Variants in SGIP1 observed in about 807,000 individuals in gnomAD.
SGIP1 encodes the protein SH3-containing GRB2-like protein 3-interacting protein 1.
Under a neutral mutation model 107.5 loss-of-function variants are expected in SGIP1, and 38 were observed. The observed-to-expected ratio is 0.35, with a 90% CI of 0.27 to 0.46. The LOEUF is 0.46. Ranked by LOEUF, SGIP1 falls within the 20% of genes least tolerant of loss-of-function variation. The probability of loss-of-function intolerance (pLI) is 1.00; values close to 1 mark genes in which losing one functional copy is unlikely to be tolerated. For synonymous variants in SGIP1, 365 were observed against 366.1 expected, an observed-to-expected ratio of 1.00 and a Z score of 0.03; for missense variants, 929 against 1,019.5, an observed-to-expected ratio of 0.91 and a Z score of 1.21.
intron 1 of SGIP1, among the ~76,000 whole-genome samples, chr1:66,595,708 A>G (rs563874217): frequency 1.3e-5 from 2 of 152,328 alleles, no homozygotes; most frequent in African/African-American, 4.8e-5. Context: ...AAGCCATAAT[A>G]TGGAATCCAT....
intron 3 of SGIP1, chr1:66,634,126 G>C: frequency 6.2e-7 from 1 of 1,610,400 alleles, no homozygotes; most frequent in South Asian, 1.1e-5. Flanking sequence ...CTCACCTCTT[G>C]CTTCTGGCTC....
intron 12 of SGIP1, among the ~76,000 whole-genome samples, chr1:66,675,691 C>T (rs1203505183): frequency 1.3e-5 from 2 of 151,294 alleles, no homozygotes; most frequent in East Asian, 1.9e-4. Context: ...CATGCCACCC[C>T]ACCTGACTAA....
chr1:66,568,096 G>T (rs1394598477), intron 1 of SGIP1, among the ~76,000 whole-genome samples: 1 of 152,134 alleles, frequency 6.6e-6, no homozygotes, highest in East Asian at 1.9e-4. Context: ...ACTTTGGGTA[G>T]TATGGCCATT....
chr1:66,695,153 C>G (rs1253791559), intron 17 of SGIP1: 2 of 562,850 alleles, frequency 3.6e-6, no homozygotes, highest in Non-Finnish European at 5.9e-6. Context: ...GCCAGGAAGA[C>G]TTCTGCTCCA....
intron 9 of SGIP1, among the ~76,000 whole-genome samples, chr1:66,670,315 T>G (rs1244219039): frequency 6.6e-6 from 1 of 152,246 alleles, no homozygotes; most frequent in Non-Finnish European, 1.5e-5. Context: ...GCTCAGATTA[T>G]TCCTACCAGG....
At chr1:66,631,536 C>T (rs1213811448) in intron 2 of SGIP1, among the ~76,000 whole-genome samples, 1 of 152,170 alleles carries the variant, frequency 6.6e-6, no homozygotes, top group African/African-American at 2.4e-5. Context: ...AAAATATGCA[C>T]TCTGTCAAGT....
chr1:66,690,059 T>G (rs564380165), intron 16 of SGIP1, 131 bp from the exon 17 acceptor site: 1 of 1,002,594 alleles, frequency 1.0e-6, no homozygotes, highest in South Asian at 1.6e-5. Context: ...TTAATTTCAG[T>G]GTAAAAATGG....
intron 7 of SGIP1, among the ~76,000 whole-genome samples, chr1:66,647,032 C>T (rs1038415741): frequency 6.6e-6 from 1 of 152,150 alleles, no homozygotes; most frequent in Non-Finnish European, 1.5e-5. Context: ...GTTGATTTGG[C>T]ATCTGTGTAA....
In SGIP1 at chr1:66,711,942, G is replaced by A. The variant is rs149827436; in HGVS notation, c.1631-7352G>A. On this transcript the variant is annotated intron_variant, in intron 18 of 24. Coordinates refer to ENST00000371037, the MANE Select transcript of SGIP1 (RefSeq NM_032291.4). ...ATTGTCCTAATTTAGCAGAGGTGAAGCTAGAATCATTGACCAGCTCAGGTC... is the reference window on the plus strand; with the variant it reads ...ATTGTCCTAATTTAGCAGAGGTGAAACTAGAATCATTGACCAGCTCAGGTC... 1.4e-3 allele frequency among the ~76,000 whole-genome samples: 215 copies of A among 152,284 alleles called. 1 individual carries two copies. Among genetic ancestry groups the A allele is most frequent in the African/African-American group, 5.0e-3 (206 of 41,574 alleles).
rs2094540347 is a variant in SGIP1 at position 66,745,511 on chromosome 1, A to G, written c.*2416A>G. Reference sequence around the variant, plus strand: ...ATAATCTCCTGTTACATCTATATCCACAGTACTGTAGAATAAGAATTCATG... The same window carrying G: ...ATAATCTCCTGTTACATCTATATCCGCAGTACTGTAGAATAAGAATTCATG... On this transcript the variant is annotated 3_prime_UTR_variant, in exon 25 of 25. Transcript: ENST00000371037. 6.6e-6 allele frequency: 1 copy of G among 152,036 alleles called. No individual in the cohort carries two copies. The highest frequency in any genetic ancestry group is 6.6e-5 in the Admixed American group (1 of 15,262). The allele number at this position is 152,036 out of a possible 1,614,324, so 9.4% of individuals were successfully genotyped here.
At chr1:66,714,228 C>T (rs977097050) in intron 18 of SGIP1, among the ~76,000 whole-genome samples, 6 of 152,096 alleles carry the variant, frequency 3.9e-5, no homozygotes, top group African/African-American at 1.4e-4. Context: ...AAACTGATTA[C>T]AGAGAGATTT....
At chr1:66,713,138 C>A (rs76994700) in intron 18 of SGIP1, among the ~76,000 whole-genome samples, 3,030 of 152,166 alleles carry the variant, frequency 0.02, 97 homozygotes, top group African/African-American at 0.069. Context: ...TGTTTACTTG[C>A]CAGGTGACAA....
At chr1:66,643,099 G>GTGGAAATGGTGGGTACTGAGCTGTCCA (rs2077070369) in intron 6 of SGIP1, among the ~76,000 whole-genome samples, 5 of 20,364 alleles carry the variant, frequency 2.5e-4, no homozygotes, top group African/African-American at 8.3e-4. Context: ...CTAAAAAAAC[G>GTGGAAATGGTGGGTACTGAGCTGTCCA]CTAATCCCTG....
At chr1:66,553,890 T>G (rs1308798706) in intron 1 of SGIP1, among the ~76,000 whole-genome samples, 1 of 152,126 alleles carries the variant, frequency 6.6e-6, no homozygotes, top group Non-Finnish European at 1.5e-5. Context: ...ACCTCTGACA[T>G]TCTGGCACTC....
intron 1 of SGIP1, among the ~76,000 whole-genome samples, chr1:66,551,284 A>G (rs2057360419): frequency 1.3e-5 from 2 of 152,292 alleles, no homozygotes; most frequent in South Asian, 4.1e-4. Flanking sequence ...GAAATTTGCA[A>G]TGCCATTTTC....
chr1:66,599,168 C>T (rs768138762), intron 1 of SGIP1, among the ~76,000 whole-genome samples: 1 of 152,090 alleles, frequency 6.6e-6, no homozygotes, highest in Non-Finnish European at 1.5e-5. Flanking sequence ...TCAAGTTACT[C>T]GAACCTAACT....
At chr1:66,559,918 A>C (rs2058693894) in intron 1 of SGIP1, among the ~76,000 whole-genome samples, 1 of 152,062 alleles carries the variant, frequency 6.6e-6, no homozygotes, top group Non-Finnish European at 1.5e-5. Flanking sequence ...GTAAATATGC[A>C]GAGGAATGAA....
At chr1:66,719,870 A>G (rs2093436530) in intron 19 of SGIP1, among the ~76,000 whole-genome samples, 1 of 152,204 alleles carries the variant, frequency 6.6e-6, no homozygotes, top group African/African-American at 2.4e-5. Context: ...CCTTCTCAAA[A>G]CACACGAAGT....
intron 18 of SGIP1, among the ~76,000 whole-genome samples, chr1:66,695,994 A>G (rs1489152261): frequency 1.3e-5 from 2 of 152,232 alleles, no homozygotes; most frequent in Non-Finnish European, 2.9e-5. Context: ...AGATCAGAAA[A>G]ATCGGGAAAA....
Sources: gnomAD v4.1 joint callset for allele counts (sites outside exome capture counted in the v4.1 genomes callset) on GRCh38, gnomAD v4.1.1 for gene constraint, MANE v1.5 for transcripts, NCBI Gene and HGNC (gene_info 2026-07-23, HGNC 2026-07-21) for gene names.